SLC35F3: variants seen among roughly 807,000 people sequenced by gnomAD.
SLC35F3 encodes solute carrier family 35 member F3, also known as putative thiamine transporter SLC35F3.
In SLC35F3, 25 loss-of-function variants were observed where a neutral mutation model predicts 49.9. The ratio of observed to expected loss-of-function variants is 0.50; its 90% CI spans 0.37 to 0.70. The LOEUF (loss-of-function observed/expected upper bound fraction) is 0.70, where lower values mean the gene tolerates loss of function less well. Among genes scored for constraint, SLC35F3 ranks in the 30% least tolerant of loss-of-function variants. The pLI is 0.00. For missense variants in SLC35F3, 525 were observed against 639.8 expected (o/e 0.82, Z 1.94); for synonymous variants, 275 against 265.4 (o/e 1.04, Z -0.35).
chr1:234,233,150 A>T (rs1667411596), intron 3 of SLC35F3, among the ~76,000 whole-genome samples: 1 of 152,224 alleles, frequency 6.6e-6, no homozygotes, highest in Admixed American at 6.5e-5. Context: ...AAGCAGAAGG[A>T]AACAAATCAT....
chr1:234,229,449 C>T (rs954302087), intron 2 of SLC35F3, among the ~76,000 whole-genome samples: 1 of 152,194 alleles, frequency 6.6e-6, no homozygotes, highest in Non-Finnish European at 1.5e-5. Context: ...TACCAAATTA[C>T]ATGATTTGAT....
chr1:234,267,876 C>G (rs1668020658), intron 3 of SLC35F3, among the ~76,000 whole-genome samples: 1 of 138,522 alleles, frequency 7.2e-6, no homozygotes, highest in Non-Finnish European at 1.5e-5. Context: ...GGCAGAGGTG[C>G]TCCCCACATC....
chr1:234,112,408 A>C (rs1368987301), intron 2 of SLC35F3, among the ~76,000 whole-genome samples: 1 of 152,150 alleles, frequency 6.6e-6, no homozygotes. Context: ...AACAATGCAC[A>C]GAACACCTTG....
rs112491921 is a variant in SLC35F3 at position 234,011,964 on chromosome 1, C to T, written c.283+106206C>T. On this transcript the variant is annotated intron_variant, in intron 2 of 7. Coordinates refer to ENST00000366618, the MANE Select transcript of SLC35F3 (RefSeq NM_173508.4). The stretch of plus-strand genomic sequence containing the variant: ...GCATACCAAGGACCTGCACGGGCAC[C>T]GGTCTCTGAGTTCCCTCAGTTTTTA... 1.2e-4 allele frequency among the ~76,000 whole-genome samples: 18 copies of T among 152,198 alleles called. 1 individual carries two copies. The highest frequency in any genetic ancestry group is 2.6e-4 in the African/African-American group (11 of 41,530).
At chr1:234,031,348 TC>T (rs1458883789) in intron 2 of SLC35F3, among the ~76,000 whole-genome samples, 1 of 152,180 alleles carries the variant, frequency 6.6e-6, no homozygotes, top group Admixed American at 6.5e-5. Context: ...AAGGACCTGG[TC>T]CCCTCTACAC....
At chr1:233,905,188 G>A (rs1408367510) in intron 1 of SLC35F3, 58 bp downstream of exon 1, 1 of 1,536,450 alleles carries the variant, frequency 6.5e-7, no homozygotes, top group African/African-American at 1.4e-5. Context: ...CGGAGCGCCG[G>A]GGTAGCCCTT....
intron 3 of SLC35F3, among the ~76,000 whole-genome samples, chr1:234,258,049 G>T (rs1458429693): frequency 6.6e-6 from 1 of 152,180 alleles, no homozygotes; most frequent in African/African-American, 2.4e-5. Context: ...TGAGATGGTG[G>T]TATTGCAGTA....
chr1:234,242,028 A>G (rs1462166063), intron 3 of SLC35F3, among the ~76,000 whole-genome samples: 1 of 152,224 alleles, frequency 6.6e-6, no homozygotes, highest in Non-Finnish European at 1.5e-5. Flanking sequence ...ATTCTCTCCC[A>G]TATTATTTTG....
chr1:233,949,399 T>C (rs1215441372), intron 2 of SLC35F3, among the ~76,000 whole-genome samples: 1 of 152,166 alleles, frequency 6.6e-6, no homozygotes, highest in Non-Finnish European at 1.5e-5. Context: ...ACGGATAGTA[T>C]TCCATGAGTG....
intron 2 of SLC35F3, among the ~76,000 whole-genome samples, chr1:234,065,292 G>A (rs573946909): frequency 1.4e-4 from 21 of 152,186 alleles, no homozygotes; most frequent in South Asian, 2.1e-4. Context: ...GACTACAGAC[G>A]CGTGCCACCA....
intron 3 of SLC35F3, among the ~76,000 whole-genome samples, chr1:234,262,524 G>T (rs1667920692): frequency 6.6e-6 from 1 of 152,194 alleles, no homozygotes; most frequent in African/African-American, 2.4e-5. Context: ...CTTCTTACAG[G>T]AGAAAGAAAC....
At chr1:233,956,013 G>C (rs12744897) in intron 2 of SLC35F3, among the ~76,000 whole-genome samples, 1 of 148,732 alleles carries the variant, frequency 6.7e-6, no homozygotes, top group East Asian at 2.0e-4. Context: ...TCAGTCTCTC[G>C]AGTAGCTGGC....
At chr1:233,955,370 C>A (rs1017633799) in intron 2 of SLC35F3, among the ~76,000 whole-genome samples, 1 of 152,110 alleles carries the variant, frequency 6.6e-6, no homozygotes, top group African/African-American at 2.4e-5. Context: ...CTCCCTGCAA[C>A]CCCCAGCGTA....
chr1:234,144,681 ATATC>A (rs1665971218), intron 2 of SLC35F3, among the ~76,000 whole-genome samples: 1 of 152,242 alleles, frequency 6.6e-6, no homozygotes, highest in South Asian at 2.1e-4. Context: ...CACTTAATAA[ATATC>A]TACTAAGATA....
chr1:234,078,986 A>G (rs1416425558), intron 2 of SLC35F3, among the ~76,000 whole-genome samples: 1 of 152,250 alleles, frequency 6.6e-6, no homozygotes, highest in East Asian at 1.9e-4. Flanking sequence ...TTCTAAATTC[A>G]TATAGAAAAA....
intron 2 of SLC35F3, among the ~76,000 whole-genome samples, chr1:234,179,940 A>G (rs1178280823): frequency 3.9e-5 from 6 of 152,338 alleles, no homozygotes; most frequent in African/African-American, 1.4e-4. Flanking sequence ...CCTCTTCTCA[A>G]GTTCCATGAC....
intron 4 of SLC35F3, among the ~76,000 whole-genome samples, chr1:234,310,184 G>A (rs918843784): frequency 1.3e-5 from 2 of 152,178 alleles, no homozygotes; most frequent in African/African-American, 4.8e-5. Flanking sequence ...CCAGCGCCGA[G>A]AGCATTTAGC....
intron 7 of SLC35F3, 83 bp from the exon 8 acceptor site, chr1:234,322,924 AG>A: frequency 9.2e-7 from 1 of 1,091,132 alleles, no homozygotes; most frequent in South Asian, 1.3e-5. Flanking sequence ...CAGACAGAGG[AG>A]GGTGCCCCCA....
chr1:234,188,192 G>A (rs1666675323), intron 2 of SLC35F3, among the ~76,000 whole-genome samples: 1 of 151,780 alleles, frequency 6.6e-6, no homozygotes, highest in African/African-American at 2.4e-5. Flanking sequence ...AGCCAAGATC[G>A]GGCCACTGCA....
Sources: allele counts gnomAD v4.1 joint callset (sites outside exome capture counted in the v4.1 genomes callset), GRCh38; gene constraint gnomAD v4.1.1; transcripts MANE v1.5; gene names NCBI Gene and HGNC (gene_info 2026-07-23, HGNC 2026-07-21).